Variants in PHACTR1 observed in about 807,000 individuals in gnomAD.
PHACTR1 encodes phosphatase and actin regulator 1, also known as RPEL repeat containing 1.
PHACTR1 carries 16 observed loss-of-function variants against 69.2 expected under a neutral mutation model. That is an observed-to-expected ratio of 0.23 (90% CI 0.16 to 0.35). The LOEUF (loss-of-function observed/expected upper bound fraction) is 0.35, where lower values mean the gene tolerates loss of function less well. Ranked by LOEUF, PHACTR1 falls within the 10% of genes least tolerant of loss-of-function variation. PHACTR1 has a pLI of 1.00. For synonymous variants in PHACTR1, 312 were observed against 284.5 expected, an observed-to-expected ratio of 1.10 and a Z score of -0.97; for missense variants, 510 against 734.7, an observed-to-expected ratio of 0.69 and a Z score of 3.54.
chr6:13,263,428 T>G (rs1204297458), intron 10 of PHACTR1, among the ~76,000 whole-genome samples: 1 of 151,964 alleles, frequency 6.6e-6, no homozygotes, highest in African/African-American at 2.4e-5. Flanking sequence ...ATGTGGCATT[T>G]AAACAGGAAC....
chr6:13,125,781 T>C (rs1025252257), intron 5 of PHACTR1, among the ~76,000 whole-genome samples: 1 of 152,008 alleles, frequency 6.6e-6, no homozygotes, highest in African/African-American at 2.4e-5. Flanking sequence ...ATACAAAAAA[T>C]TAGCCAGACT....
chr6:12,842,608 C>T (rs1417355293), intron 4 of PHACTR1, among the ~76,000 whole-genome samples: 2 of 152,160 alleles, frequency 1.3e-5, no homozygotes, highest in South Asian at 2.1e-4. Flanking sequence ...GTGGTGTGAT[C>T]AAGGCTCACT....
At chr6:12,841,065 A>G (rs1399036289) in intron 4 of PHACTR1, among the ~76,000 whole-genome samples, 1 of 152,210 alleles carries the variant, frequency 6.6e-6, no homozygotes, top group Admixed American at 6.5e-5. Context: ...AGTGAGAAAT[A>G]TAAGAACTGA....
intron 4 of PHACTR1, among the ~76,000 whole-genome samples, chr6:12,759,810 G>A (rs985892255): frequency 1.3e-5 from 2 of 152,154 alleles, no homozygotes; most frequent in African/African-American, 4.8e-5. Context: ...GGAAAGAGGA[G>A]CAGTGACAAA....
At chr6:12,923,025 A>G (rs1223132769) in intron 4 of PHACTR1, among the ~76,000 whole-genome samples, 1 of 152,248 alleles carries the variant, frequency 6.6e-6, no homozygotes, top group African/African-American at 2.4e-5. Flanking sequence ...GTAATCTGCC[A>G]TAATTCTGAT....
chr6:12,741,591 T>C (rs1581529436), intron 3 of PHACTR1, among the ~76,000 whole-genome samples: 1 of 152,150 alleles, frequency 6.6e-6, no homozygotes, highest in Admixed American at 6.5e-5. Flanking sequence ...TGTTTGTAGA[T>C]TCTGTATGCT....
rs1157912086 is a variant in PHACTR1 at position 13,029,494 on chromosome 6, TG to T, written c.251-23868del. ...CATGGCTAGTGACGGCAGAATTTAATGGGCTTCACTCATATAGTACTGCCAT... is the reference window on the plus strand; with the variant it reads ...CATGGCTAGTGACGGCAGAATTTAATGGCTTCACTCATATAGTACTGCCAT... On this transcript the variant is annotated intron_variant, in intron 4 of 14. Coordinates refer to ENST00000332995, the MANE Select transcript of PHACTR1 (RefSeq NM_030948.6). Among the ~76,000 whole-genome samples the T allele has an allele frequency of 3.9e-5, 6 of 152,318 alleles. No homozygotes were observed. In the East Asian group the frequency reaches 1.2e-3, roughly 29 times the overall value.
chr6:13,122,979 C>A (rs1818957261), intron 5 of PHACTR1, among the ~76,000 whole-genome samples: 1 of 142,506 alleles, frequency 7.0e-6, no homozygotes, highest in Non-Finnish European at 1.5e-5. Flanking sequence ...TCTTAGAAAC[C>A]AGGGAAGTGT....
intron 5 of PHACTR1, among the ~76,000 whole-genome samples, chr6:13,078,159 T>G (rs950317447): frequency 4.0e-5 from 6 of 151,882 alleles, no homozygotes; most frequent in South Asian, 2.1e-4. Context: ...CTGTTTTTTT[T>G]GGGGGGAGTG....
rs1431732965 is a variant in PHACTR1, at chr6:13,134,252, G to A, written c.416-25952G>A. ...CAGCCGCCCTGTCCGGGAGGGAGGT[G>A]GGGGGCGCCTCTGCCCGGCCGCCAC... On this transcript the variant is annotated intron_variant, in intron 5 of 14. Coordinates refer to ENST00000332995, the MANE Select transcript of PHACTR1 (RefSeq NM_030948.6). Among the ~76,000 whole-genome samples the A allele has an allele frequency of 2.0e-5, 3 of 152,178 alleles. No homozygotes were observed. The East Asian group carries it at 5.8e-4, about 30-fold the overall frequency.
intron 3 of PHACTR1, chr6:12,749,339 C>A: frequency 2.1e-6 from 1 of 466,720 alleles, no homozygotes; most frequent in Non-Finnish European, 4.2e-6. Context: ...GCCCCTCGGC[C>A]CTGTGGCTGG....
At chr6:12,813,546 A>C (rs1324597234) in intron 4 of PHACTR1, among the ~76,000 whole-genome samples, 2 of 152,210 alleles carry the variant, frequency 1.3e-5, no homozygotes, top group Non-Finnish European at 2.9e-5. Flanking sequence ...AGAAGTTTGC[A>C]TCCAGAGTGT....
chr6:12,796,979 G>T (rs1277001280), intron 4 of PHACTR1, among the ~76,000 whole-genome samples: 1 of 151,216 alleles, frequency 6.6e-6, no homozygotes, highest in African/African-American at 2.4e-5. Flanking sequence ...CAGACATTAG[G>T]CCCAGGGTGT....
intron 4 of PHACTR1, among the ~76,000 whole-genome samples, chr6:12,897,621 C>T (rs1477652365): frequency 3.3e-5 from 5 of 152,122 alleles, no homozygotes; most frequent in Non-Finnish European, 5.9e-5. Context: ...GTAGCCTCTC[C>T]CATTCCACTA....
chr6:12,788,927 A>G (rs1771882199), intron 4 of PHACTR1, among the ~76,000 whole-genome samples: 1 of 152,252 alleles, frequency 6.6e-6, no homozygotes. Flanking sequence ...AGACTTTGAA[A>G]GGAAGGTAGG....
intron 4 of PHACTR1, among the ~76,000 whole-genome samples, chr6:13,000,814 A>G (rs1321763713): frequency 6.6e-6 from 1 of 152,118 alleles, no homozygotes; most frequent in African/African-American, 2.4e-5. Context: ...TTCAATCTAG[A>G]GTGTCATTTT....
chr6:12,917,688 G>T (rs540472980), intron 4 of PHACTR1, among the ~76,000 whole-genome samples: 25 of 152,260 alleles, frequency 1.6e-4, no homozygotes, highest in African/African-American at 4.6e-4. Flanking sequence ...CCAGGAGTTT[G>T]AGATTACAGT....
chr6:12,911,337 G>T lies in PHACTR1; in HGVS notation c.251-142028G>T, dbSNP rs9381488. ...TTTCAGAAATCAACATTGGGGTTTT[G>T]TGTCTTCCAAAAAAAAAGAAAGAAA... On this transcript the variant is annotated intron_variant, in intron 4 of 14. Transcript: ENST00000332995. Among the ~76,000 whole-genome samples the T allele has an allele frequency of 8.8e-3, 1,337 of 152,052 alleles. 51 individuals carry two copies. In the East Asian group the frequency reaches 0.12, roughly 13 times the overall value.
intron 4 of PHACTR1, among the ~76,000 whole-genome samples, chr6:12,909,961 G>A (rs1425655744): frequency 6.6e-6 from 1 of 152,222 alleles, no homozygotes; most frequent in East Asian, 1.9e-4. Flanking sequence ...GTTGCCTTCA[G>A]TATCTGTCCA....
Sources: gnomAD v4.1 joint callset for allele counts (sites outside exome capture counted in the v4.1 genomes callset) on GRCh38, gnomAD v4.1.1 for gene constraint, MANE v1.5 for transcripts, NCBI Gene and HGNC (gene_info 2026-07-23, HGNC 2026-07-21) for gene names.